The following GRID2IP variants were observed in gnomAD, a reference collection of about 807,000 sequenced individuals.
GRID2IP encodes the protein Grid2 interacting protein, also known as delphilin.
A neutral mutation model predicts 114.3 loss-of-function variants in GRID2IP; 78 were observed. The ratio of observed to expected loss-of-function variants is 0.68; its 90% CI spans 0.57 to 0.82. GRID2IP has a LOEUF of 0.82. GRID2IP is among the 40% of genes least tolerant of loss of function. The pLI, the probability that GRID2IP is intolerant of heterozygous loss-of-function variation, is 0.00. For missense variants in GRID2IP, 1,727 were observed against 1,678.5 expected (o/e 1.03, Z -0.51); for synonymous variants, 809 against 724.0 (o/e 1.12, Z -1.89).
At chr7:6,535,706 A>T (rs1002040660) in intron 2 of GRID2IP, among the ~76,000 whole-genome samples, 1 of 151,900 alleles carries the variant, frequency 6.6e-6, no homozygotes, top group Non-Finnish European at 1.5e-5. Flanking sequence ...ATAAATTCTT[A>T]AAAAAATTAA....
intron 14 of GRID2IP, among the ~76,000 whole-genome samples, 169 bp downstream of exon 14, chr7:6,505,651 G>C (rs1385248501): frequency 1.3e-5 from 2 of 152,198 alleles, no homozygotes; most frequent in Non-Finnish European, 2.9e-5. Context: ...TGACAGGCGT[G>C]AGCCACTGTG....
At chr7:6,545,765 CT>C (rs1779878767) in intron 1 of GRID2IP, among the ~76,000 whole-genome samples, 1 of 152,188 alleles carries the variant, frequency 6.6e-6, no homozygotes, top group African/African-American at 2.4e-5. Context: ...AAAAAGCAGC[CT>C]TGCATTGCAC....
At chr7:6,503,803 G>GGA in intron 15 of GRID2IP, 116 bp from the exon 16 acceptor site, 4 of 686,070 alleles carry the variant, frequency 5.8e-6, no homozygotes, top group Non-Finnish European at 9.2e-6. Context: ...GGGGCCTAGG[G>GGA]GAGAGGACGG....
At chr7:6,517,132 G>GCAAGCTCC (rs1171926516) in intron 7 of GRID2IP, among the ~76,000 whole-genome samples, 2 of 150,544 alleles carry the variant, frequency 1.3e-5, no homozygotes, top group East Asian at 3.9e-4. Context: ...TCGTCTCACT[G>GCAAGCTCC]CAAGCTCCGC....
At chr7:6,524,959 C>A (rs1025563213) in intron 4 of GRID2IP, among the ~76,000 whole-genome samples, 4 of 151,720 alleles carry the variant, frequency 2.6e-5, no homozygotes, top group African/African-American at 9.7e-5. Flanking sequence ...ACCTCGTGAT[C>A]CACCTGCCTT....
At position 6,536,523 on chromosome 7, in the gene GRID2IP, G is replaced by C. The variant is rs984546607; in HGVS notation, c.584+3195C>G. ...CCCGGGGGGCAGGCGGGCTGGCCCG[G>C]GAGGGGGCAGGAACAGACACCGGCA... On this transcript the variant is annotated intron_variant, in intron 2 of 21. Coordinates refer to ENST00000457091, the MANE Select transcript of GRID2IP (RefSeq NM_001145118.2). This position sits in a 1 kb window ranked among gnomAD's most constrained non-coding sequence, Gnocchi z 5.3. Among the ~76,000 whole-genome samples, 1 of 151,992 alleles carries C rather than the reference G, an allele frequency of 6.6e-6. No homozygotes were observed. The highest frequency in any genetic ancestry group is 2.4e-5 in the African/African-American group (1 of 41,408).
chr7:6,526,817 C>T lies in GRID2IP; in HGVS notation c.585-48G>A. ...CGGGGCGCGTTCCCGGACCCCGGAT[C>T]TCTGCAAACCGCGGCCCGAAGGCGC... On this transcript the variant is annotated intron_variant, in intron 2 of 21. Transcript: ENST00000457091. This position sits in a 1 kb window ranked among gnomAD's most constrained non-coding sequence, Gnocchi z 7.6. 7.0e-7 allele frequency: 1 copy of T among 1,437,858 alleles called. No homozygotes were observed. The highest frequency in any genetic ancestry group is 9.1e-7 in the Non-Finnish European group (1 of 1,097,006). The allele number at this position is 1,437,858 out of a possible 1,614,324, so 89.1% of individuals were successfully genotyped here.
chr7:6,524,755 C>T (rs1406977068), intron 4 of GRID2IP, among the ~76,000 whole-genome samples: 14 of 151,414 alleles, frequency 9.2e-5, no homozygotes, highest in African/African-American at 2.4e-4. Flanking sequence ...CTCACTCTGT[C>T]GCCCAGGCTG....
At position 6,526,424 on chromosome 7, in the gene GRID2IP, G is replaced by A. The variant is rs1779511422; in HGVS notation, c.833+97C>T. 2 of 1,507,756 alleles carry A rather than the reference G, an allele frequency of 1.3e-6. No homozygotes were observed. The highest frequency in any genetic ancestry group is 1.8e-6 in the Non-Finnish European group (2 of 1,124,022). The allele number at this position is 1,507,756 out of a possible 1,614,324, so 93.4% of individuals were successfully genotyped here. A position where few individuals can be genotyped will look rare whatever the true frequency, so the allele number is the denominator to read the frequency against. On this transcript the variant is annotated intron_variant, in intron 3 of 21. Coordinates refer to ENST00000457091, the MANE Select transcript of GRID2IP (RefSeq NM_001145118.2). The surrounding 1 kb of genome is among the most constrained non-coding windows in gnomAD (Gnocchi z 7.6). ...CCTCTCCGGCCCCCTATGCACCCCA[G>A]ATGCCCAGCCCCGCCCCTACGCCCT...
rs1779718374 is a variant in GRID2IP at position 6,536,091 on chromosome 7, T to A, written c.584+3627A>T. On this transcript the variant is annotated intron_variant, in intron 2 of 21. Transcript: ENST00000457091. This position sits in a 1 kb window ranked among gnomAD's most constrained non-coding sequence, Gnocchi z 5.3. ...CCTCTGACCTCTCTCCAGATGGGGC[T>A]GCCCAGAGATCGCTGCCACCCTAGA... Among the ~76,000 whole-genome samples, 1 of 152,174 alleles carries A rather than the reference T, an allele frequency of 6.6e-6. No homozygotes were observed. The highest frequency in any genetic ancestry group is 1.5e-5 in the Non-Finnish European group (1 of 68,032).
chr7:6,537,625 G>A (rs1452844879), intron 2 of GRID2IP, among the ~76,000 whole-genome samples: 5 of 151,400 alleles, frequency 3.3e-5, no homozygotes, highest in East Asian at 2.0e-4. Context: ...TGATCTGCCC[G>A]CCTCGGCCTC....
At chr7:6,502,906 AC>A in intron 17 of GRID2IP, 34 bp from the exon 18 acceptor site, 1 of 1,540,572 alleles carries the variant, frequency 6.5e-7, no homozygotes, top group South Asian at 1.2e-5. Context: ...TCCTGTCCTC[AC>A]CCCACCACCC....
chr7:6,522,504 T>A (rs1223757051), intron 4 of GRID2IP, among the ~76,000 whole-genome samples: 1 of 152,034 alleles, frequency 6.6e-6, no homozygotes, highest in African/African-American at 2.4e-5. Context: ...TCTGTATTTT[T>A]TTTTTTTAAT....
rs1015862859 is a variant in GRID2IP, at chr7:6,520,905, C to T, written c.1085-144G>A. ...TGCATGGGAAGGCATGCCTGTGGCC[C>T]GACACCGGGGCCAAGGATAGAGGGA... On this transcript the variant is annotated intron_variant, in intron 6 of 21. Transcript: ENST00000457091. This position sits in a 1 kb window ranked among gnomAD's most constrained non-coding sequence, Gnocchi z 4.6. 5.2e-6 allele frequency: 4 copies of T among 768,882 alleles called. No homozygotes were observed. Among genetic ancestry groups the T allele is most frequent in the South Asian group, 3.6e-5 (2 of 55,448 alleles). The allele number at this position is 768,882 out of a possible 1,614,324, so 47.6% of individuals were successfully genotyped here.
At chr7:6,538,503 G>C (rs1340587092) in intron 2 of GRID2IP, among the ~76,000 whole-genome samples, 3 of 148,954 alleles carry the variant, frequency 2.0e-5, no homozygotes, top group African/African-American at 7.5e-5. Context: ...GGAGTTGGAG[G>C]CTGCAGTGAG....
chr7:6,529,015 A>G (rs965279411), intron 2 of GRID2IP, among the ~76,000 whole-genome samples: 5 of 152,080 alleles, frequency 3.3e-5, no homozygotes, highest in Middle Eastern at 3.2e-3. Context: ...AGGAGAGAAG[A>G]CACACACACC....
At chr7:6,529,961 CTT>C (rs71008398) in intron 2 of GRID2IP, among the ~76,000 whole-genome samples, 27 of 111,770 alleles carry the variant, frequency 2.4e-4, no homozygotes, top group Non-Finnish European at 2.5e-4. Context: ...CTCTCTCTCT[CTT>C]TTTTTTTTTT....
intron 2 of GRID2IP, among the ~76,000 whole-genome samples, chr7:6,527,364 C>T (rs951179238): frequency 5.3e-5 from 8 of 152,308 alleles, no homozygotes; most frequent in Middle Eastern, 3.4e-3. Flanking sequence ...AGGTCCACTC[C>T]TTTGCTTCCT....
rs770630432 is a variant in GRID2IP at position 6,528,648 on chromosome 7, C to T, written c.585-1879G>A. On this transcript the variant is annotated intron_variant, in intron 2 of 21. Coordinates refer to ENST00000457091, the MANE Select transcript of GRID2IP (RefSeq NM_001145118.2). This position sits in a 1 kb window ranked among gnomAD's most constrained non-coding sequence, Gnocchi z 6.0. Reference sequence around the variant, plus strand: ...GAAAGACAAACCCCTCTGAGGTGTCCCAGCGGCCCTCACACTTCCCTCCAC... The same window carrying T: ...GAAAGACAAACCCCTCTGAGGTGTCTCAGCGGCCCTCACACTTCCCTCCAC... Among the ~76,000 whole-genome samples the T allele has an allele frequency of 5.9e-5, 9 of 152,184 alleles. No individual in the cohort carries two copies. The highest frequency in any genetic ancestry group is 1.3e-4 in the Admixed American group (2 of 15,272).
Sources: allele counts gnomAD v4.1 joint callset (sites outside exome capture counted in the v4.1 genomes callset), GRCh38; gene constraint gnomAD v4.1.1; non-coding constraint Gnocchi (gnomAD v3.1); transcripts MANE v1.5; gene names NCBI Gene and HGNC (gene_info 2026-07-23, HGNC 2026-07-21).